The following FUT1 variants were observed in gnomAD, a reference collection of about 807,000 sequenced individuals.
The protein encoded by FUT1 is galactoside alpha-(1,2)-fucosyltransferase 1.
For missense variants in FUT1, 476 were observed against 492.7 expected, an observed-to-expected ratio of 0.97 and a Z score of 0.32; for synonymous variants, 215 against 208.7, an observed-to-expected ratio of 1.03 and a Z score of -0.26.
upstream of FUT1, among the ~76,000 whole-genome samples, chr19:48,754,795 C>T (rs2034062295): frequency 1.3e-5 from 2 of 152,254 alleles, no homozygotes; most frequent in African/African-American, 2.4e-5. Context: ...GACTGACCCT[C>T]CCATTCAAGA....
At chr19:48,753,992 G>A (rs573416396), upstream of FUT1, among the ~76,000 whole-genome samples, 2 of 152,204 alleles carry the variant, frequency 1.3e-5, no homozygotes, top group East Asian at 1.9e-4. Context: ...AGGCCATCCT[G>A]GCTAACACGG....
rs1461351924 is a variant in FUT1, at chr19:48,750,636, C to T, written c.646G>A (p.Gly216Ser). 2 of 1,612,184 alleles carry T rather than the reference C, an allele frequency of 1.2e-6. No homozygotes were observed. Among genetic ancestry groups the T allele is most frequent in the South Asian group, 2.2e-5 (2 of 91,076 alleles). ...TAGTCCCCACGGCGCACGTGGACGCCGACAAAGGTGCGCGGGCGGTCCCCT... is the reference window on the plus strand; with the variant it reads ...TAGTCCCCACGGCGCACGTGGACGCTGACAAAGGTGCGCGGGCGGTCCCCT... ...RTGDRPRTFV[G>S]VHVRRGDYLQ... The change falls in exon 2 of 2, where the codon GGC becomes AGC. Residue 216 changes from glycine (G) to serine (S), a missense_variant. By Grantham distance (56) the Gly-to-Ser change is moderately conservative. Coordinates refer to ENST00000645652, the MANE Select transcript of FUT1 (RefSeq NM_001384359.1).
At chr19:48,754,817 CAA>C (rs2122568247), upstream of FUT1, among the ~76,000 whole-genome samples, 1 of 152,272 alleles carries the variant, frequency 6.6e-6, no homozygotes, top group African/African-American at 2.4e-5. Context: ...ACATCAATGT[CAA>C]AGACTCAGGA....
chr19:48,750,527 C>T lies in FUT1; in HGVS notation c.755G>A (p.Arg252Gln), dbSNP rs1237990182. 1.9e-6 allele frequency: 3 copies of T among 1,613,600 alleles called. No homozygotes were observed. Among genetic ancestry groups the T allele is most frequent in the East Asian group, 2.2e-5 (1 of 44,874 alleles). ...GACCACGAAAACGGGGGCTTCGTGC[C>T]GTGCCCGGAACCAGTCCATGGCCTG... ...LRQAMDWFRA[R>Q]HEAPVFVVTS... is the part of the protein sequence containing the mutation. Residue 252 changes from arginine (R) to glutamine (Q), a missense_variant, in exon 2 of 2, where the codon CGG becomes CAG. Physicochemically the swap from Arg to Gln is conservative, Grantham distance 43 (BLOSUM62 1). Transcript: ENST00000645652.
At chr19:48,753,052 C>T (rs1221332999), upstream of FUT1, 1 of 298,930 alleles carries the variant, frequency 3.3e-6, no homozygotes. Flanking sequence ...GGCCACGCCC[C>T]AGCGGCTGGG....
upstream of FUT1, among the ~76,000 whole-genome samples, chr19:48,753,817 A>G (rs181005591): frequency 6.6e-6 from 1 of 152,320 alleles, no homozygotes; most frequent in East Asian, 1.9e-4. Context: ...TAGGCAGCCG[A>G]AGCAGAAAGA....
intron 1 of FUT1, among the ~76,000 whole-genome samples, chr19:48,751,875 CG>C (rs529227926): frequency 2.0e-5 from 3 of 151,788 alleles, no homozygotes; most frequent in Non-Finnish European, 4.4e-5. Context: ...CGCCTGAACC[CG>C]GGGGGCGGGA....
Position 48,752,427 on chromosome 19 carries a change from C to A in FUT1, c.-3+63G>T. ...TGGAGAAGAGGTTGGGGGTGCACCT[C>A]CTGGTTCTGAAGGAGTTGTTCCTGG... On this transcript the variant is annotated intron_variant, in intron 1 of 1. Coordinates refer to ENST00000645652, the MANE Select transcript of FUT1 (RefSeq NM_001384359.1). The surrounding 1 kb of genome is among the most constrained non-coding windows in gnomAD (Gnocchi z 4.3). The A allele has an allele frequency of 2.1e-6, 2 of 965,486 alleles. No individual in the cohort carries two copies. Among genetic ancestry groups the A allele is most frequent in the Non-Finnish European group, 2.5e-6 (2 of 811,768 alleles). 59.8% of individuals were successfully genotyped at this position (965,486 alleles called of 1,614,324 possible). A position where few individuals can be genotyped will look rare whatever the true frequency, so the allele number is the denominator to read the frequency against.
In FUT1 at chr19:48,749,951, T is replaced by G; in HGVS notation, c.*233A>C. 1.7e-6 allele frequency: 1 copy of G among 584,846 alleles called. No individual in the cohort carries two copies. The highest frequency in any genetic ancestry group is 3.0e-6 in the Non-Finnish European group (1 of 332,266). The allele number at this position is 584,846 out of a possible 1,614,324, so 36.2% of individuals were successfully genotyped here. A position where few individuals can be genotyped will look rare whatever the true frequency, so the allele number is the denominator to read the frequency against. ...GGGAAGAGCAGGTGGGCACTGTGGC[T>G]TCTAGAACTGCCTGCCAGCCATCAG... On this transcript the variant is annotated 3_prime_UTR_variant, in exon 2 of 2. Coordinates refer to ENST00000645652, the MANE Select transcript of FUT1 (RefSeq NM_001384359.1).
At chr19:48,752,825 G>A (rs578105859), upstream of FUT1, 1 of 985,346 alleles carries the variant, frequency 1.0e-6, no homozygotes, top group Non-Finnish European at 1.2e-6. This position sits in a 1 kb window ranked among gnomAD's most constrained non-coding sequence, Gnocchi z 4.3. Flanking sequence ...CGGGGATGCA[G>A]GGGACCGCGC....
chr19:48,751,221 CAG>C lies in FUT1; in HGVS notation c.59_60del (p.Ser20CysfsTer71), dbSNP rs1217401734. On this transcript the variant is annotated frameshift_variant, in exon 2 of 2. Coordinates refer to ENST00000645652, the MANE Select transcript of FUT1 (RefSeq NM_001384359.1). LOFTEE classifies it low-confidence loss of function (END_TRUNC). Reference protein sequence around the residue: ...CLAFLLVCVLSVIFFLHIHQD... With the variant: ...CLAFLLVCVLXVIFFLHIHQD... ...TGATGGATATGGAGGAAGAAGATTACAGAGAGGACACAGACTAGCAGGAAGGC... is the reference window on the plus strand; with the variant it reads ...TGATGGATATGGAGGAAGAAGATTACAGAGGACACAGACTAGCAGGAAGGC... 1.2e-6 allele frequency: 2 copies of C among 1,614,024 alleles called. No homozygotes were observed. Among genetic ancestry groups the C allele is most frequent in the South Asian group, 2.2e-5 (2 of 91,088 alleles).
rs2033969761 is a variant in FUT1 at position 48,750,098 on chromosome 19, A to G, written c.*86T>C. ...ACCCATTTGCTTCAGGAACACCACA[A>G]GCTTCTCCAGAAGATGCCAGGCCTC... On this transcript the variant is annotated 3_prime_UTR_variant, in exon 2 of 2. Coordinates refer to ENST00000645652, the MANE Select transcript of FUT1 (RefSeq NM_001384359.1). 6.6e-7 allele frequency: 1 copy of G among 1,512,140 alleles called. No homozygotes were observed. The highest frequency in any genetic ancestry group is 1.4e-5 in the African/African-American group (1 of 72,778). 93.7% of individuals were successfully genotyped at this position (1,512,140 alleles called of 1,614,324 possible).
chr19:48,750,100 C>T lies in FUT1; in HGVS notation c.*84G>A, dbSNP rs1263523650. 3.3e-6 allele frequency: 5 copies of T among 1,518,546 alleles called. No individual in the cohort carries two copies. The highest frequency in any genetic ancestry group is 2.4e-5 in the South Asian group (2 of 83,778). 94.1% of individuals were successfully genotyped at this position (1,518,546 alleles called of 1,614,324 possible). A position where few individuals can be genotyped will look rare whatever the true frequency, so the allele number is the denominator to read the frequency against. On this transcript the variant is annotated 3_prime_UTR_variant, in exon 2 of 2. Transcript: ENST00000645652. ...CCATTTGCTTCAGGAACACCACAAG[C>T]TTCTCCAGAAGATGCCAGGCCTCTG...
upstream of FUT1, among the ~76,000 whole-genome samples, chr19:48,754,996 C>T (rs1309557017): frequency 6.6e-6 from 1 of 150,730 alleles, no homozygotes; most frequent in Admixed American, 6.6e-5. Context: ...GGAGTCCAAG[C>T]CCCCTGCCCC....
In FUT1 at chr19:48,750,895, G is replaced by C. The variant is rs561905996; in HGVS notation, c.387C>G (p.Pro129=). ...GGCTGTCCACTTCTGGGGCCAGCAC[G>C]GGCAGGGTGATGCGGAATACCGGGG... ...ALAPVFRITL[P]VLAPEVDSRT... The change falls in exon 2 of 2, where the codon CCC becomes CCG. Residue 129 remains proline, a synonymous_variant. Coordinates refer to ENST00000645652, the MANE Select transcript of FUT1 (RefSeq NM_001384359.1). The C allele has an allele frequency of 8.7e-5, 140 of 1,613,582 alleles. 2 individuals are homozygous for C. In the South Asian group the frequency reaches 1.1e-3, roughly 13 times the overall value.
In FUT1 at chr19:48,749,614, CA is replaced by C. The variant is rs150453456; in HGVS notation, c.*569del. ...GGGCAACAGAGCGAGACCCTGTCTC[CA>C]AAAAAAAAAAAAAAAAACTAAAAAG... On this transcript the variant is annotated 3_prime_UTR_variant, in exon 2 of 2. Coordinates refer to ENST00000645652, the MANE Select transcript of FUT1 (RefSeq NM_001384359.1). 0.15 allele frequency: 15,301 copies of C among 105,520 alleles called. 637 individuals are homozygous for C. The highest frequency in any genetic ancestry group is 0.29 in the South Asian group (919 of 3,146). 6.5% of individuals were successfully genotyped at this position (105,520 alleles called of 1,614,324 possible). A position where few individuals can be genotyped will look rare whatever the true frequency, so the allele number is the denominator to read the frequency against.
rs150074056 is a variant in FUT1 at position 48,750,933 on chromosome 19, G to A, written c.349C>T (p.His117Tyr). ...CGGAATACCGGGGCCAGGGCGGCAT[G>A]CATGGCAGGCAGGATAAAGGCCCGG... The part of the protein sequence containing the change: ...GRRAFILPAM[H>Y]AALAPVFRIT... The change falls in exon 2 of 2, where the codon CAT becomes TAT. Residue 117 changes from histidine to tyrosine, a missense_variant. His to Tyr is a moderately conservative substitution (Grantham distance 83, BLOSUM62 2). Transcript: ENST00000645652. The A allele has an allele frequency of 1.3e-4, 211 of 1,610,330 alleles. No individual in the cohort carries two copies. The highest frequency in any genetic ancestry group is 1.7e-4 in the Non-Finnish European group (196 of 1,177,476).
upstream of FUT1, chr19:48,753,657 G>C (rs1051669028): frequency 1.9e-5 from 3 of 154,612 alleles, no homozygotes; most frequent in East Asian, 1.9e-4. Context: ...CCATCAAGAC[G>C]CAGAGACCGG....
At chr19:48,754,134 C>G (rs542419305), upstream of FUT1, among the ~76,000 whole-genome samples, 1 of 146,880 alleles carries the variant, frequency 6.8e-6, no homozygotes, top group Non-Finnish European at 1.5e-5. Flanking sequence ...TGCAGTGAGC[C>G]GAGATCACGC....
Sources: gnomAD v4.1 joint callset for allele counts (sites outside exome capture counted in the v4.1 genomes callset) on GRCh38, gnomAD v4.1.1 for gene constraint, Gnocchi (gnomAD v3.1) non-coding constraint, MANE v1.5 for transcripts, NCBI Gene and HGNC (gene_info 2026-07-23, HGNC 2026-07-21) for gene names.